GDPD4: variants seen among roughly 807,000 people sequenced by gnomAD.
GDPD4 encodes glycerophosphodiester phosphodiesterase 6.
Under a neutral mutation model 67.8 loss-of-function variants are expected in GDPD4, and 60 were observed. That is an observed-to-expected ratio of 0.88 (90% CI 0.72 to 1.10). GDPD4 has a LOEUF of 1.10. GDPD4 is among the 50% of genes least tolerant of loss of function. GDPD4 has a pLI of 0.00. For missense variants in GDPD4, 623 were observed against 613.9 expected (o/e 1.01, Z -0.16); for synonymous variants, 212 against 210.9 (o/e 1.00, Z -0.04).
chr11:77,295,064 G>A (rs1224763394), intron 1 of GDPD4, among the ~76,000 whole-genome samples: 1 of 149,172 alleles, frequency 6.7e-6, no homozygotes, highest in Non-Finnish European at 1.5e-5. Flanking sequence ...TGCCTCCCAG[G>A]AGCAATTATC....
At position 77,291,944 on chromosome 11, in the gene GDPD4, T is replaced by C. The variant is rs577065723; in HGVS notation, c.-253-4524A>G. ...CCTTGGGAGGCTGAGGCAGGAGAAT[T>C]GCTTGAACCCAGGAGGTGGAGGTTG... is the stretch of plus-strand genomic sequence containing the variant. On this transcript the variant is annotated intron_variant, in intron 1 of 16. Transcript: ENST00000315938. Among the ~76,000 whole-genome samples, 11 of 152,228 alleles carry C rather than the reference T, an allele frequency of 7.2e-5. No individual in the cohort carries two copies. In the East Asian group the frequency reaches 2.1e-3, roughly 29 times the overall value.
intron 3 of GDPD4, among the ~76,000 whole-genome samples, chr11:77,282,525 G>A (rs1286659784): frequency 6.6e-6 from 1 of 151,916 alleles, no homozygotes; most frequent in Non-Finnish European, 1.5e-5. Flanking sequence ...GTGGTGGTTT[G>A]TGTCTGTAGT....
intron 11 of GDPD4, among the ~76,000 whole-genome samples, chr11:77,247,991 C>T (rs1004565023): frequency 7.7e-5 from 10 of 129,278 alleles, no homozygotes; most frequent in Admixed American, 2.8e-4. Context: ...GCAGAGGTTG[C>T]GGTGAGCCAA....
At chr11:77,282,779 T>C (rs758464145) in intron 3 of GDPD4, among the ~76,000 whole-genome samples, 33 of 151,886 alleles carry the variant, frequency 2.2e-4, no homozygotes, top group Non-Finnish European at 3.4e-4. Context: ...AAATAAAATA[T>C]ATTAGTGATA....
chr11:77,300,576 T>C (rs1386538225), intron 1 of GDPD4, among the ~76,000 whole-genome samples: 3 of 151,858 alleles, frequency 2.0e-5, no homozygotes, highest in East Asian at 1.9e-4. Flanking sequence ...TGTAAGGATA[T>C]AGACGACTGT....
chr11:77,234,957 CCCA>C (rs1958522378), intron 13 of GDPD4, among the ~76,000 whole-genome samples: 2 of 149,970 alleles, frequency 1.3e-5, no homozygotes, highest in African/African-American at 4.9e-5. Context: ...AATTTACATT[CCCA>C]CCAACAGTGT....
At position 77,232,589 on chromosome 11, in the gene GDPD4, G is replaced by A. The variant is rs79087533; in HGVS notation, c.1389+436C>T. ...CAGTTTCCACTTTGGAGTCAAGTAC[G>A]CTTGGTTTTCTCCCCACTCTCCATG... On this transcript the variant is annotated intron_variant, in intron 14 of 16. Coordinates refer to ENST00000315938, the MANE Select transcript of GDPD4 (RefSeq NM_182833.3). Among the ~76,000 whole-genome samples the A allele has an allele frequency of 1.5e-3, 230 of 152,276 alleles. 4 individuals are homozygous for A. The East Asian group carries it at 0.025, about 16-fold the overall frequency.
chr11:77,277,402 T>TC (rs1959526413), intron 4 of GDPD4, among the ~76,000 whole-genome samples: 1 of 109,270 alleles, frequency 9.2e-6, no homozygotes, highest in Non-Finnish European at 1.9e-5. Flanking sequence ...TTTTTTTTTT[T>TC]TTTTTTTTTT....
intron 3 of GDPD4, among the ~76,000 whole-genome samples, chr11:77,279,826 A>T (rs1013389902): frequency 3.1e-5 from 3 of 97,624 alleles, no homozygotes; most frequent in Admixed American, 9.4e-5. Flanking sequence ...CCACCATATT[A>T]AAAAAAAAGC....
At chr11:77,286,396 T>G (rs1363487639) in intron 2 of GDPD4, among the ~76,000 whole-genome samples, 1 of 152,188 alleles carries the variant, frequency 6.6e-6, no homozygotes, top group Non-Finnish European at 1.5e-5. Context: ...CCTGAAGCAC[T>G]TGTATTATCC....
intron 16 of GDPD4, among the ~76,000 whole-genome samples, chr11:77,223,956 C>T (rs1037313532): frequency 1.4e-4 from 21 of 152,292 alleles, no homozygotes; most frequent in South Asian, 2.1e-4. Flanking sequence ...TGGACTGCTG[C>T]GCTAGTGGTG....
Position 77,268,445 on chromosome 11 carries a change from C to G in GDPD4, c.707+12G>C, listed in dbSNP as rs1228840199. 40 of 1,593,324 alleles carry G rather than the reference C, an allele frequency of 2.5e-5. No homozygotes were observed. Among genetic ancestry groups the G allele is most frequent in the Non-Finnish European group, 3.4e-5 (39 of 1,161,660 alleles). On this transcript the variant is annotated intron_variant, in intron 10 of 16. Coordinates refer to ENST00000315938, the MANE Select transcript of GDPD4 (RefSeq NM_182833.3). ...ACCCTCCTCCCCTCACCCCAGTTCC[C>G]TGCTTTCTTACCTTAAGTGTATATC...
At chr11:77,251,109 T>C (rs1446641901) in intron 11 of GDPD4, among the ~76,000 whole-genome samples, 2 of 152,332 alleles carry the variant, frequency 1.3e-5, no homozygotes, top group Non-Finnish European at 2.9e-5. Flanking sequence ...AGGCAGTCTG[T>C]ATCATTCAAG....
intron 10 of GDPD4, among the ~76,000 whole-genome samples, chr11:77,266,034 T>C (rs1412966538): frequency 6.6e-6 from 1 of 152,214 alleles, no homozygotes; most frequent in Non-Finnish European, 1.5e-5. Context: ...TATGGATGAA[T>C]ACAGTTTATT....
chr11:77,294,753 TAC>T (rs973164586), intron 1 of GDPD4, among the ~76,000 whole-genome samples: 1 of 152,054 alleles, frequency 6.6e-6, no homozygotes, highest in African/African-American at 2.4e-5. Flanking sequence ...AATATAAAGC[TAC>T]AGTTACCAAG....
intron 10 of GDPD4, among the ~76,000 whole-genome samples, chr11:77,265,091 A>G (rs1188122179): frequency 2.6e-5 from 4 of 152,004 alleles, no homozygotes; most frequent in Non-Finnish European, 4.4e-5. Context: ...GCACACCCCT[A>G]TTCCTTTCTA....
intron 1 of GDPD4, among the ~76,000 whole-genome samples, chr11:77,291,521 G>C (rs772140055): frequency 1.6e-4 from 25 of 152,104 alleles, no homozygotes; most frequent in Non-Finnish European, 3.4e-4. Flanking sequence ...GATTTGAAAT[G>C]TCCCTAGTAC....
chr11:77,298,104 T>A (rs573699290), intron 1 of GDPD4, among the ~76,000 whole-genome samples: 352 of 149,506 alleles, frequency 2.4e-3, no homozygotes, highest in Middle Eastern at 0.01. Context: ...TTTCGTTTTT[T>A]TAAAAAAAAA....
At chr11:77,232,805 G>T (rs145306046) in intron 14 of GDPD4, among the ~76,000 whole-genome samples, 5 of 152,228 alleles carry the variant, frequency 3.3e-5, no homozygotes, top group Non-Finnish European at 7.3e-5. Context: ...CAAGCACATT[G>T]TAAGGATTCA....
Sources: allele counts gnomAD v4.1 joint callset (sites outside exome capture counted in the v4.1 genomes callset), GRCh38; gene constraint gnomAD v4.1.1; transcripts MANE v1.5; gene names NCBI Gene and HGNC (gene_info 2026-07-23, HGNC 2026-07-21).